MBIP: variants seen among roughly 807,000 people sequenced by gnomAD.
MBIP encodes the protein MAP3K12 binding inhibitory protein 1.
A neutral mutation model predicts 45.7 loss-of-function variants in MBIP; 32 were observed. That is an observed-to-expected ratio of 0.70 (90% CI 0.53 to 0.94). The LOEUF is 0.94. MBIP is among the 40% of genes least tolerant of loss of function. MBIP has a pLI of 0.00. For synonymous variants in MBIP, 145 were observed against 141.0 expected (o/e 1.03, Z -0.20); for missense variants, 381 against 405.5 (o/e 0.94, Z 0.52).
chr14:36,300,748 C>G (rs201248127), intron 8 of MBIP, 37 bp downstream of exon 8: 1 of 1,474,848 alleles, frequency 6.8e-7, no homozygotes, highest in Non-Finnish European at 9.2e-7. Flanking sequence ...ACTAATCAAA[C>G]TATTTCAGAA....
Position 36,314,461 on chromosome 14 carries a change from C to A in MBIP, c.571+51G>T, listed in dbSNP as rs774596246. 8.0e-6 allele frequency: 8 copies of A among 1,001,076 alleles called. 1 individual carries two copies. The South Asian group carries it at 1.2e-4, about 16-fold the overall frequency. The allele number at this position is 1,001,076 out of a possible 1,614,324, so 62.0% of individuals were successfully genotyped here. On this transcript the variant is annotated intron_variant, in intron 4 of 8. Transcript: ENST00000416007. Reference sequence around the variant, plus strand: ...AAAAATAAATAAAAGATTAGAGCAACTATAAAAATTGTGCTTAAAACCCTA... The same window carrying A: ...AAAAATAAATAAAAGATTAGAGCAAATATAAAAATTGTGCTTAAAACCCTA...
chr14:36,304,302 G>C (rs1309108492), intron 7 of MBIP, among the ~76,000 whole-genome samples: 1 of 152,168 alleles, frequency 6.6e-6, no homozygotes, highest in East Asian at 1.9e-4. Flanking sequence ...TATCAGCCAA[G>C]TCCTATCCAT....
At chr14:36,306,124 G>A (rs1879861247) in intron 7 of MBIP, among the ~76,000 whole-genome samples, 1 of 152,058 alleles carries the variant, frequency 6.6e-6, no homozygotes, top group South Asian at 2.1e-4. Flanking sequence ...TCTGAGCATA[G>A]CACTTAAGGT....
At chr14:36,304,163 A>C (rs1879737844) in intron 7 of MBIP, among the ~76,000 whole-genome samples, 1 of 152,138 alleles carries the variant, frequency 6.6e-6, no homozygotes, top group Non-Finnish European at 1.5e-5. Context: ...CATGATGTTG[A>C]CCTGATTTTC....
chr14:36,306,174 T>C (rs1179466635), intron 7 of MBIP, among the ~76,000 whole-genome samples: 1 of 152,068 alleles, frequency 6.6e-6, no homozygotes, highest in African/African-American at 2.4e-5. Flanking sequence ...ACCCACTCTA[T>C]CCTATCTGTA....
chr14:36,299,460 TAAAAA>T (rs34724648), intron 8 of MBIP, among the ~76,000 whole-genome samples: 2 of 143,232 alleles, frequency 1.4e-5, no homozygotes. Flanking sequence ...AAGAATAAGT[TAAAAA>T]AAAAAAAAAA....
rs1456392927 is a variant in MBIP at position 36,308,126 on chromosome 14, A to G, written c.854T>C (p.Leu285Ser). 1.9e-6 allele frequency: 3 copies of G among 1,603,570 alleles called. No homozygotes were observed. The South Asian group carries it at 3.3e-5, about 18-fold the overall frequency. ...IKKLEDKILE[L>S]EGISPEYFQS... ...AAAATATTCAGGAGAGATGCCTTCC[A>G]ATTCAAGGATTTTATCCTCAAGTTT... Residue 285 changes from leucine to serine, a missense_variant, in exon 7 of 9, where the codon TTG becomes TCG. Coordinates refer to ENST00000416007, the MANE Select transcript of MBIP (RefSeq NM_016586.3).
At chr14:36,299,435 C>T (rs746146672) in intron 8 of MBIP, among the ~76,000 whole-genome samples, 124 of 142,524 alleles carry the variant, frequency 8.7e-4, no homozygotes, top group Middle Eastern at 3.6e-3. Flanking sequence ...CTCTCCTGAA[C>T]CTTTTATACT....
chr14:36,303,131 A>G (rs1251798638), intron 7 of MBIP, among the ~76,000 whole-genome samples: 1 of 152,184 alleles, frequency 6.6e-6, no homozygotes, highest in Non-Finnish European at 1.5e-5. Flanking sequence ...GGTAGGTTAG[A>G]GGTGTTGAAT....
At chr14:36,300,872 T>A (rs1374943843) in intron 7 of MBIP, 49 bp from the exon 8 acceptor site, 2 of 1,184,908 alleles carry the variant, frequency 1.7e-6, no homozygotes, top group Admixed American at 5.1e-5. Context: ...AAGCATCATT[T>A]TTTTTTCTTT....
chr14:36,307,874 TAATAG>T, intron 7 of MBIP: 1 of 317,224 alleles, frequency 3.2e-6, no homozygotes, highest in Non-Finnish European at 5.7e-6. Flanking sequence ...GGGTAATATA[TAATAG>T]AAGTATCCCT....
rs1880853406 is a variant in MBIP, at chr14:36,320,592, A to G, written c.-4T>C. 1.9e-6 allele frequency: 3 copies of G among 1,603,048 alleles called. No individual in the cohort carries two copies. Among genetic ancestry groups the G allele is most frequent in the Non-Finnish European group, 2.6e-6 (3 of 1,174,180 alleles). ...TAAGCTCCGTGGCAGCAGCCATGAT[A>G]TCTTCTCAGGCCGCCCCACCACCAC... On this transcript the variant is annotated 5_prime_UTR_variant, in exon 1 of 9. Transcript: ENST00000416007.
At chr14:36,306,173 A>G (rs1879864307) in intron 7 of MBIP, among the ~76,000 whole-genome samples, 1 of 151,904 alleles carries the variant, frequency 6.6e-6, no homozygotes, top group Non-Finnish European at 1.5e-5. Context: ...TACCCACTCT[A>G]TCCTATCTGT....
At chr14:36,306,637 T>C (rs771280743) in intron 7 of MBIP, among the ~76,000 whole-genome samples, 10 of 152,150 alleles carry the variant, frequency 6.6e-5, no homozygotes, top group Admixed American at 1.3e-4. Context: ...CAAGTTCTCA[T>C]TGGAGGCATC....
At position 36,299,054 on chromosome 14, in the gene MBIP, A is replaced by G; in HGVS notation, c.*29T>C. ...TAAGTTACACATATGTATACAAAAA[A>G]GTAAAATGACAAGGATGAGAGGAGT... On this transcript the variant is annotated 3_prime_UTR_variant, in exon 9 of 9. Transcript: ENST00000416007. The G allele has an allele frequency of 6.5e-7, 1 of 1,532,724 alleles. No individual in the cohort carries two copies. The highest frequency in any genetic ancestry group is 9.0e-7 in the Non-Finnish European group (1 of 1,106,294). 94.9% of individuals were successfully genotyped at this position (1,532,724 alleles called of 1,614,324 possible).
intron 7 of MBIP, among the ~76,000 whole-genome samples, chr14:36,301,353 G>A (rs1280873516): frequency 2.6e-5 from 4 of 152,138 alleles, no homozygotes; most frequent in African/African-American, 4.8e-5. Context: ...ATGGCTTCCC[G>A]GTCTTGTCAG....
Position 36,314,929 on chromosome 14 carries a change from A to G in MBIP, c.250-14T>C. 6.5e-7 allele frequency: 1 copy of G among 1,542,704 alleles called. No homozygotes were observed. Among genetic ancestry groups the G allele is most frequent in the Non-Finnish European group, 9.0e-7 (1 of 1,115,814 alleles). ...TGCTAAAAAAGGCTGAGAACAACAC[A>G]ATTCCATCTGCTGAGGTTCAATCTG... On this transcript the variant is annotated splice_polypyrimidine_tract_variant and intron_variant, in intron 2 of 8. Transcript: ENST00000416007.
intron 6 of MBIP, among the ~76,000 whole-genome samples, chr14:36,311,174 A>G (rs935567011): frequency 1.3e-5 from 2 of 152,166 alleles, no homozygotes; most frequent in African/African-American, 4.8e-5. Flanking sequence ...CTTGGGTTTG[A>G]GCAGGGTGCA....
At position 36,316,700 on chromosome 14, in the gene MBIP, T is replaced by C; in HGVS notation, c.242A>G (p.Tyr81Cys). 6.2e-7 allele frequency: 1 copy of C among 1,601,852 alleles called. No individual in the cohort carries two copies. Among genetic ancestry groups the C allele is most frequent in the Non-Finnish European group, 8.5e-7 (1 of 1,175,478 alleles). The stretch of plus-strand genomic sequence containing the variant: ...TTCTAACAAGAAATTTACCTGTAAA[T>C]ATAAAATGTGTTGTTCAAGTGCACT... ...LFSALEQHIL[Y>C]LQPFLAKLQS... The change falls in exon 2 of 9, where the codon TAT becomes TGT. Residue 81 changes from tyrosine (Y) to cysteine (C), a missense_variant. Physicochemically the swap from Tyr to Cys is radical, Grantham distance 194. Transcript: ENST00000416007.
Sources: allele counts gnomAD v4.1 joint callset (sites outside exome capture counted in the v4.1 genomes callset), GRCh38; gene constraint gnomAD v4.1.1; transcripts MANE v1.5; gene names NCBI Gene and HGNC (gene_info 2026-07-23, HGNC 2026-07-21).